Variants in MSRA observed in about 807,000 individuals in gnomAD.
MSRA encodes mitochondrial peptide methionine sulfoxide reductase.
In MSRA, 54 loss-of-function variants were observed where a neutral mutation model predicts 31.3. The observed-to-expected ratio is 1.73, with a 90% CI of 1.39 to 2.17. The LOEUF is 2.17. Among genes scored for constraint, MSRA ranks in the 30% most tolerant of loss-of-function variants. The pLI is 0.00. For synonymous variants in MSRA, 169 were observed against 116.5 expected, an observed-to-expected ratio of 1.45 and a Z score of -2.90; for missense variants, 507 against 300.9, an observed-to-expected ratio of 1.69 and a Z score of -5.07.
At chr8:10,289,496 T>C (rs2129115058) in intron 3 of MSRA, among the ~76,000 whole-genome samples, 1 of 152,274 alleles carries the variant, frequency 6.6e-6, no homozygotes, top group South Asian at 2.1e-4. Flanking sequence ...CCCTCGAGCA[T>C]TTATCCTTTG....
intron 5 of MSRA, among the ~76,000 whole-genome samples, chr8:10,350,055 G>A (rs1353723020): frequency 1.3e-5 from 2 of 152,236 alleles, no homozygotes; most frequent in South Asian, 2.1e-4. Flanking sequence ...GAGAGACCTC[G>A]GATTGTACTT....
At chr8:10,275,356 G>A (rs372366023) in intron 3 of MSRA, among the ~76,000 whole-genome samples, 15 of 152,278 alleles carry the variant, frequency 9.9e-5, no homozygotes, top group African/African-American at 2.4e-4. Context: ...ATGACTCCCC[G>A]TGTTTTATTT....
At chr8:10,276,166 T>C (rs982610138) in intron 3 of MSRA, among the ~76,000 whole-genome samples, 1 of 152,244 alleles carries the variant, frequency 6.6e-6, no homozygotes, top group Non-Finnish European at 1.5e-5. Flanking sequence ...TGTTTCTTTA[T>C]AGACAAGTTA....
chr8:10,244,943 G>T (rs970688200), intron 2 of MSRA, among the ~76,000 whole-genome samples, 161 bp from the exon 3 acceptor site: 1 of 151,844 alleles, frequency 6.6e-6, no homozygotes, highest in African/African-American at 2.4e-5. Context: ...CCAATGTTAA[G>T]AACTCTCCTT....
At position 10,428,247 on chromosome 8, in the gene MSRA, A is replaced by T; in HGVS notation, c.643A>T (p.Asn215Tyr). The T allele has an allele frequency of 1.2e-6, 2 of 1,614,208 alleles. No homozygotes were observed. Among genetic ancestry groups the T allele is most frequent in the Non-Finnish European group, 8.5e-7 (1 of 1,180,032 alleles). Residue 215 changes from asparagine to tyrosine, a missense_variant, in exon 6 of 6, where the codon AAC becomes TAC. Physicochemically the swap from Asn to Tyr is moderately radical, Grantham distance 143. Transcript: ENST00000317173. ...CTACCACCAGCAGTACCTGAGCAAG[A>T]ACCCCAATGGCTACTGCGGCCTTGG... ...EDYHQQYLSKNPNGYCGLGGT... is the reference protein window; with the variant it reads ...EDYHQQYLSKYPNGYCGLGGT...
Position 10,318,451 on chromosome 8 carries a change from G to A in MSRA, c.437-1432G>A, listed in dbSNP as rs7006053. Among the ~76,000 whole-genome samples, 1,049 of 152,246 alleles carry A rather than the reference G, an allele frequency of 6.9e-3. 3 individuals are homozygous for A. The highest frequency in any genetic ancestry group is 0.024 in the Middle Eastern group (7 of 294). ...ACCTAATTCTTCTGTAGCCTCTAGA[G>A]TGTGGAGGCTACAGTTGACACACAC... On this transcript the variant is annotated intron_variant, in intron 4 of 5. Transcript: ENST00000317173.
intron 5 of MSRA, among the ~76,000 whole-genome samples, chr8:10,348,933 A>G (rs1803959146): frequency 6.6e-6 from 1 of 152,176 alleles, no homozygotes; most frequent in African/African-American, 2.4e-5. Context: ...ACGAGATCTA[A>G]AAAAGCCTGC....
At chr8:10,408,202 A>T (rs6999466) in intron 5 of MSRA, among the ~76,000 whole-genome samples, 1 of 151,946 alleles carries the variant, frequency 6.6e-6, no homozygotes, top group African/African-American at 2.4e-5. Flanking sequence ...AGCATCATTC[A>T]TTAGCACCAC....
At chr8:10,323,954 A>G (rs562405138) in intron 5 of MSRA, among the ~76,000 whole-genome samples, 1 of 152,298 alleles carries the variant, frequency 6.6e-6, no homozygotes, top group African/African-American at 2.4e-5. Flanking sequence ...ATGCTGTCAT[A>G]TCTCTTTTAT....
At chr8:10,128,107 A>G (rs2129022291) in intron 1 of MSRA, among the ~76,000 whole-genome samples, 1 of 152,126 alleles carries the variant, frequency 6.6e-6, no homozygotes, top group South Asian at 2.1e-4. Flanking sequence ...GCCAGGTGCG[A>G]TGGCTCACAC....
rs202023003 is a variant in MSRA at position 10,251,863 on chromosome 8, G to GT, written c.331+6640_331+6641insT. On this transcript the variant is annotated intron_variant, in intron 3 of 5. Transcript: ENST00000317173. The stretch of plus-strand genomic sequence containing the variant: ...ACCCCTCTGAAGGGTTGACATGGTG[G>GT]GGGGGGGGGGACATAGGTCATGGGG... Among the ~76,000 whole-genome samples, 73 of 147,974 alleles carry GT rather than the reference G, an allele frequency of 4.9e-4. No homozygotes were observed. The South Asian group carries it at 0.012, about 25-fold the overall frequency.
chr8:10,086,620 A>C (rs1467683439), intron 1 of MSRA, among the ~76,000 whole-genome samples: 1 of 152,234 alleles, frequency 6.6e-6, no homozygotes, highest in Admixed American at 6.5e-5. Flanking sequence ...TGAATGAGTT[A>C]AAGAGTGCAA....
intron 1 of MSRA, among the ~76,000 whole-genome samples, chr8:10,091,994 G>A (rs1254587691): frequency 2.0e-5 from 3 of 150,742 alleles, no homozygotes; most frequent in Non-Finnish European, 4.4e-5. Context: ...TGGTGTAGAT[G>A]GTTCCCTTTT....
intron 2 of MSRA, among the ~76,000 whole-genome samples, chr8:10,226,226 G>A (rs767395068): frequency 6.6e-6 from 1 of 152,212 alleles, no homozygotes; most frequent in East Asian, 1.9e-4. Context: ...TCTTGCCTAG[G>A]CCTCAGTTTT....
intron 5 of MSRA, among the ~76,000 whole-genome samples, chr8:10,419,081 C>T (rs546076066): frequency 5.3e-5 from 8 of 152,290 alleles, no homozygotes; most frequent in South Asian, 2.1e-4. Context: ...CTCCCTCCCA[C>T]GCATGTGCCC....
At chr8:10,117,183 T>G (rs1205429246) in intron 1 of MSRA, among the ~76,000 whole-genome samples, 2 of 152,194 alleles carry the variant, frequency 1.3e-5, no homozygotes, top group Non-Finnish European at 2.9e-5. Context: ...AGAGTTCTTC[T>G]AAGTAGGCAT....
At position 10,315,462 on chromosome 8, in the gene MSRA, A is replaced by G. The variant is rs140220648; in HGVS notation, c.437-4421A>G. Among the ~76,000 whole-genome samples, 67 of 152,374 alleles carry G rather than the reference A, an allele frequency of 4.4e-4. 1 individual carries two copies. Among genetic ancestry groups the G allele is most frequent in the Middle Eastern group, 3.4e-3 (1 of 294 alleles). ...GTGAGTATTCACTTTATAATCACTA[A>G]TTATAAATAGAGTAATAGTAGACAC... On this transcript the variant is annotated intron_variant, in intron 4 of 5. Transcript: ENST00000317173.
chr8:10,282,580 G>A lies in MSRA; in HGVS notation c.332-18954G>A, dbSNP rs77689012. 7.6e-4 allele frequency among the ~76,000 whole-genome samples: 115 copies of A among 152,240 alleles called. 1 individual carries two copies. Among genetic ancestry groups the A allele is most frequent in the African/African-American group, 2.7e-3 (112 of 41,540 alleles). ...CTCCGGTGACAGAGCAGCCATAGTG[G>A]CACTGTGCTTGATGCAAAGATACCA... is the stretch of plus-strand genomic sequence containing the variant. On this transcript the variant is annotated intron_variant, in intron 3 of 5. Transcript: ENST00000317173.
At chr8:10,145,260 C>T (rs973463751) in intron 1 of MSRA, among the ~76,000 whole-genome samples, 1 of 151,972 alleles carries the variant, frequency 6.6e-6, no homozygotes, top group Admixed American at 6.6e-5. Flanking sequence ...TTAAGACAAA[C>T]AATAGGAATA....
Sources: gnomAD v4.1 joint callset for allele counts (sites outside exome capture counted in the v4.1 genomes callset) on GRCh38, gnomAD v4.1.1 for gene constraint, MANE v1.5 for transcripts, NCBI Gene and HGNC (gene_info 2026-07-23, HGNC 2026-07-21) for gene names.